GABRB3: variants seen among roughly 807,000 people sequenced by gnomAD.
GABRB3 encodes the protein gamma-aminobutyric acid type A receptor subunit beta3, also known as gamma-aminobutyric acid receptor subunit beta-3.
GABRB3 carries 14 observed loss-of-function variants against 52.1 expected under a neutral mutation model. The observed-to-expected ratio is 0.27, with a 90% CI of 0.18 to 0.42. The LOEUF (loss-of-function observed/expected upper bound fraction) is 0.42, where lower values mean the gene tolerates loss of function less well. Ranked by LOEUF, GABRB3 falls within the 10% of genes least tolerant of loss-of-function variation. The pLI, the probability that GABRB3 is intolerant of heterozygous loss-of-function variation, is 1.00. For synonymous variants in GABRB3, 260 were observed against 232.3 expected (o/e 1.12, Z -1.08); for missense variants, 307 against 609.1 (o/e 0.50, Z 5.22).
At chr15:26,730,201 C>T (rs1889870702) in intron 3 of GABRB3, among the ~76,000 whole-genome samples, 2 of 152,110 alleles carry the variant, frequency 1.3e-5, no homozygotes, top group South Asian at 4.1e-4. Flanking sequence ...GGTTATATCC[C>T]ATTTCCTGAA....
rs1275882932 is a variant in GABRB3, at chr15:26,606,805, T to TATCG, written c.461+14508_461+14509insCGAT. On this transcript the variant is annotated intron_variant, in intron 4 of 8. Coordinates refer to ENST00000311550, the MANE Select transcript of GABRB3 (RefSeq NM_000814.6). ...AGATATATCTATAGATAGATATATCTATAGATAGATAGATAGATAGATAGA... is the reference window on the plus strand; with the variant it reads ...AGATATATCTATAGATAGATATATCTATCGATAGATAGATAGATAGATAGATAGA... 4.9e-3 allele frequency among the ~76,000 whole-genome samples: 578 copies of TATCG among 117,976 alleles called. 8 individuals are homozygous for TATCG. The highest frequency in any genetic ancestry group is 0.021 in the Middle Eastern group (4 of 188). 77.4% of individuals were successfully genotyped at this position (117,976 alleles called of 152,430 possible).
intron 3 of GABRB3, among the ~76,000 whole-genome samples, chr15:26,749,316 T>A (rs1426630463): frequency 1.3e-5 from 2 of 152,168 alleles, no homozygotes; most frequent in African/African-American, 4.8e-5. Context: ...AACTTCCAAG[T>A]GTTTAGTGAT....
At chr15:26,752,243 T>G (rs147391528) in intron 3 of GABRB3, among the ~76,000 whole-genome samples, 3,179 of 143,814 alleles carry the variant, frequency 0.022, 43 homozygotes, top group Middle Eastern at 0.074. Flanking sequence ...ATTTATTTAT[T>G]TATTTATTTA....
rs114613489 is a variant in GABRB3, at chr15:26,629,690, G to C, written c.241-8156C>G. 5.2e-3 allele frequency among the ~76,000 whole-genome samples: 785 copies of C among 152,212 alleles called. 10 individuals are homozygous for C. Among genetic ancestry groups the C allele is most frequent in the African/African-American group, 0.018 (763 of 41,542 alleles). ...CACATCACCAAACTCTTCAGCCCTGGTGCAGCTTCTGAGTTCACCGAGCCC... is the reference window on the plus strand; with the variant it reads ...CACATCACCAAACTCTTCAGCCCTGCTGCAGCTTCTGAGTTCACCGAGCCC... On this transcript the variant is annotated intron_variant, in intron 3 of 8. Transcript: ENST00000311550.
intron 7 of GABRB3, among the ~76,000 whole-genome samples, chr15:26,561,822 T>C (rs1889999885): frequency 6.6e-6 from 1 of 152,178 alleles, no homozygotes; most frequent in South Asian, 2.1e-4. Flanking sequence ...GAGAGCGACT[T>C]CCCTCCTCAA....
At chr15:26,702,751 G>A (rs1359532674) in intron 3 of GABRB3, among the ~76,000 whole-genome samples, 1 of 152,194 alleles carries the variant, frequency 6.6e-6, no homozygotes, top group Non-Finnish European at 1.5e-5. Flanking sequence ...ACAAAGACTT[G>A]TACATGAATG....
chr15:26,759,732 G>A (rs1442669338), intron 3 of GABRB3, among the ~76,000 whole-genome samples: 1 of 152,162 alleles, frequency 6.6e-6, no homozygotes, highest in Non-Finnish European at 1.5e-5. Context: ...TGTTAAGATT[G>A]TTACAGAAAT....
chr15:26,570,885 G>A (rs1205308137), intron 6 of GABRB3, among the ~76,000 whole-genome samples: 1 of 151,958 alleles, frequency 6.6e-6, no homozygotes, highest in East Asian at 1.9e-4. Context: ...ACAGTCCCCA[G>A]GGCAGAATTT....
chr15:26,656,059 G>T (rs1887363591), intron 3 of GABRB3, among the ~76,000 whole-genome samples: 1 of 151,960 alleles, frequency 6.6e-6, no homozygotes, highest in Non-Finnish European at 1.5e-5. Flanking sequence ...GTTACTTTGG[G>T]ATGTGCACGT....
intron 3 of GABRB3, among the ~76,000 whole-genome samples, chr15:26,753,390 C>A (rs554195858): frequency 2.0e-5 from 3 of 152,294 alleles, no homozygotes; most frequent in Non-Finnish European, 4.4e-5. Context: ...GGGCTCCACG[C>A]TGAGGCACTG....
rs150046416 is a variant in GABRB3 at position 26,691,759 on chromosome 15, A to T, written c.241-70225T>A. Among the ~76,000 whole-genome samples the T allele has an allele frequency of 1.4e-4, 22 of 152,150 alleles. No homozygotes were observed. In the East Asian group the frequency reaches 4.3e-3, roughly 29 times the overall value. On this transcript the variant is annotated intron_variant, in intron 3 of 8. Transcript: ENST00000311550. Reference sequence around the variant, plus strand: ...TTTTGGGTCATTTCAAAAATTCTCAACAAGTTGAGAAAACAAAGAAAACAA... The same window carrying T: ...TTTTGGGTCATTTCAAAAATTCTCATCAAGTTGAGAAAACAAAGAAAACAA...
intron 3 of GABRB3, among the ~76,000 whole-genome samples, chr15:26,651,965 A>G (rs1433681510): frequency 1.3e-5 from 2 of 152,120 alleles, no homozygotes; most frequent in East Asian, 3.9e-4. Context: ...TTCCCTTTCT[A>G]GGCCTTTCCC....
intron 8 of GABRB3, among the ~76,000 whole-genome samples, chr15:26,555,677 A>G (rs549490215): frequency 6.6e-6 from 1 of 152,360 alleles, no homozygotes; most frequent in South Asian, 2.1e-4. Flanking sequence ...AAAGAACTCA[A>G]GAACCAATAC....
chr15:26,624,494 C>T (rs1415070719), intron 3 of GABRB3: 16 of 985,388 alleles, frequency 1.6e-5, no homozygotes, highest in East Asian at 2.3e-4. Flanking sequence ...CCTAGGAGCC[C>T]GGCTGTCACT....
rs140929868 is a variant in GABRB3, at chr15:26,673,559, G to A, written c.241-52025C>T. On this transcript the variant is annotated intron_variant, in intron 3 of 8. Transcript: ENST00000311550. ...GGCCATACAGTGACACTGATGATACGAATTACTCTTCCATTCTTAGCCATG... is the reference window on the plus strand; with the variant it reads ...GGCCATACAGTGACACTGATGATACAAATTACTCTTCCATTCTTAGCCATG... Among the ~76,000 whole-genome samples, 470 of 152,284 alleles carry A rather than the reference G, an allele frequency of 3.1e-3. 4 individuals are homozygous for A. Among genetic ancestry groups the A allele is most frequent in the African/African-American group, 9.9e-3 (410 of 41,548 alleles).
At chr15:26,615,758 C>A in intron 4 of GABRB3, 1 of 1,130,926 alleles carries the variant, frequency 8.8e-7, no homozygotes, top group Non-Finnish European at 1.1e-6. Context: ...CGTAGAGGAG[C>A]TAAGTGGCGA....
chr15:26,630,176 G>A (rs1892874122), intron 3 of GABRB3, among the ~76,000 whole-genome samples: 1 of 152,154 alleles, frequency 6.6e-6, no homozygotes, highest in African/African-American at 2.4e-5. Flanking sequence ...CTTTCCTCTG[G>A]GTGGGCAGGA....
chr15:26,766,129 C>T (rs780361251), intron 3 of GABRB3, among the ~76,000 whole-genome samples: 1 of 152,212 alleles, frequency 6.6e-6, no homozygotes. Flanking sequence ...TAGTTACCAA[C>T]TCCCTAGGTC....
At chr15:26,634,080 T>C (rs1209864655) in intron 3 of GABRB3, among the ~76,000 whole-genome samples, 1 of 152,212 alleles carries the variant, frequency 6.6e-6, no homozygotes, top group Non-Finnish European at 1.5e-5. Context: ...AGCCTTTTTT[T>C]GGAGAGGTTG....
Sources: allele counts gnomAD v4.1 joint callset (sites outside exome capture counted in the v4.1 genomes callset), GRCh38; gene constraint gnomAD v4.1.1; transcripts MANE v1.5; gene names NCBI Gene and HGNC (gene_info 2026-07-23, HGNC 2026-07-21).